Variants in SANBR observed in about 807,000 individuals in gnomAD.
SANBR encodes SANT and BTB domain regulator of class switch recombination.
In SANBR, 77 loss-of-function variants were observed where a neutral mutation model predicts 101.8. The ratio of observed to expected loss-of-function variants is 0.76; its 90% CI spans 0.63 to 0.91. The LOEUF is 0.91. SANBR is among the 40% of genes least tolerant of loss of function. The probability of loss-of-function intolerance (pLI) is 0.00; values close to 1 mark genes in which losing one functional copy is unlikely to be tolerated. For synonymous variants in SANBR, 279 were observed against 274.7 expected (o/e 1.02, Z -0.15); for missense variants, 875 against 853.0 (o/e 1.03, Z -0.32).
At chr2:61,077,535 T>TCAAG (rs1362915380) in intron 6 of SANBR, among the ~76,000 whole-genome samples, 3 of 149,496 alleles carry the variant, frequency 2.0e-5, no homozygotes, top group African/African-American at 7.4e-5. Flanking sequence ...TTAGACAAGA[T>TCAAG]CAAGGCAGGG....
Position 61,073,468 on chromosome 2 carries a change from T to C in SANBR, c.348T>C (p.Ser116=). Reference sequence around the variant, plus strand: ...GTTTCTGTATTTAAGGAAGACATAGTATAGCTTCCACAAGGAATTGTTCTT... The same window carrying C: ...GTTTCTGTATTTAAGGAAGACATAGCATAGCTTCCACAAGGAATTGTTCTT... ...HDAVSKTGRH[S]IASTRNCSSE... is the part of the protein sequence containing the mutation. Residue 116 remains serine (S), a synonymous_variant, in exon 5 of 22, where the codon AGT becomes AGC. Transcript: ENST00000402291. 1 of 1,547,204 alleles carries C rather than the reference T, an allele frequency of 6.5e-7. No individual in the cohort carries two copies. Among genetic ancestry groups the C allele is most frequent in the Non-Finnish European group, 8.9e-7 (1 of 1,128,584 alleles).
intron 10 of SANBR, chr2:61,090,690 ATTGTGTATGTGTGTGTGGGCACAGGGT>A (rs1195451154): frequency 1.3e-5 from 2 of 149,620 alleles, no homozygotes; most frequent in African/African-American, 5.0e-5. Flanking sequence ...CAACCTGGCA[ATTGTGTATGTGTGTGTGGGCACAGGGT>A]TTGTGTGTGT....
intron 17 of SANBR, 60 bp downstream of exon 17, chr2:61,116,130 C>A: frequency 1.4e-5 from 16 of 1,184,866 alleles, no homozygotes; most frequent in Middle Eastern, 2.0e-4. Context: ...TGAGTATAGC[C>A]AGAAAAAAAT....
chr2:61,088,833 A>T, intron 10 of SANBR: 1 of 972,498 alleles, frequency 1.0e-6, no homozygotes, highest in Non-Finnish European at 1.2e-6. Context: ...TTTTTTTTAA[A>T]TGTGAATTTC....
intron 8 of SANBR, among the ~76,000 whole-genome samples, chr2:61,086,059 A>C (rs981865362): frequency 1.2e-4 from 18 of 152,198 alleles, no homozygotes; most frequent in Non-Finnish European, 2.6e-4. Flanking sequence ...TGTGTCTTTC[A>C]ATCCATGAAT....
chr2:61,080,989 T>G (rs1205364525), intron 6 of SANBR, among the ~76,000 whole-genome samples: 2 of 152,178 alleles, frequency 1.3e-5, no homozygotes, highest in Admixed American at 6.5e-5. Context: ...GGAAGTAAGT[T>G]TAGGACTCTG....
intron 5 of SANBR, among the ~76,000 whole-genome samples, chr2:61,074,518 C>T (rs1210286469): frequency 6.6e-6 from 1 of 152,204 alleles, no homozygotes; most frequent in Non-Finnish European, 1.5e-5. Flanking sequence ...AGGCAATTCT[C>T]ATGCCTCAGC....
intron 10 of SANBR, chr2:61,089,088 T>C (rs1410492570): frequency 1.0e-6 from 1 of 981,734 alleles, no homozygotes; most frequent in Non-Finnish European, 1.2e-6. Context: ...ATTTTAGTTA[T>C]CTGTACAAAT....
chr2:61,096,520 C>T lies in SANBR; in HGVS notation c.1213-1180C>T, dbSNP rs145953076. Among the ~76,000 whole-genome samples, 139 of 152,298 alleles carry T rather than the reference C, an allele frequency of 9.1e-4. No homozygotes were observed. In the South Asian group the frequency reaches 9.7e-3, roughly 11 times the overall value. On this transcript the variant is annotated intron_variant, in intron 11 of 21. Transcript: ENST00000402291. ...TGCCTAGTCCAGTGGTCTTCCCCAT[C>T]GCAAGCAGCACCTGTGTCCACTGAA...
chr2:61,087,460 G>C (rs533040905), intron 8 of SANBR, among the ~76,000 whole-genome samples: 1 of 151,822 alleles, frequency 6.6e-6, no homozygotes, highest in Non-Finnish European at 1.5e-5. Flanking sequence ...TTGGGAGGCT[G>C]ATGTGGGAGA....
downstream of SANBR, among the ~76,000 whole-genome samples, chr2:61,127,186 G>A (rs1684538295): frequency 6.6e-6 from 1 of 152,160 alleles, no homozygotes; most frequent in Non-Finnish European, 1.5e-5. Flanking sequence ...CCAGTGCCTA[G>A]AACAGTGACT....
intron 11 of SANBR, among the ~76,000 whole-genome samples, chr2:61,097,175 A>G (rs1469983243): frequency 1.3e-5 from 2 of 152,184 alleles, no homozygotes; most frequent in Admixed American, 6.5e-5. Flanking sequence ...GCATCAAGGA[A>G]TAACCAAATG....
At chr2:61,092,616 T>A in intron 11 of SANBR, 29 bp downstream of exon 11, 2 of 1,527,240 alleles carry the variant, frequency 1.3e-6, no homozygotes, top group Non-Finnish European at 1.8e-6. Flanking sequence ...AATATCCTGC[T>A]CTGCAAATAT....
chr2:61,106,362 G>A (rs979455043), intron 13 of SANBR, among the ~76,000 whole-genome samples: 9 of 120,666 alleles, frequency 7.5e-5, no homozygotes, highest in African/African-American at 1.0e-4. Context: ...TTGCCCTCCA[G>A]CCTGGGTGAC....
At chr2:61,070,875 G>A (rs1349776225) in intron 3 of SANBR, among the ~76,000 whole-genome samples, 1 of 151,462 alleles carries the variant, frequency 6.6e-6, no homozygotes, top group East Asian at 1.9e-4. Flanking sequence ...TGAAGCTTAA[G>A]TGATCTTCCC....
At chr2:61,127,490 T>G (rs1323204178), downstream of SANBR, among the ~76,000 whole-genome samples, 1 of 152,226 alleles carries the variant, frequency 6.6e-6, no homozygotes, top group Non-Finnish European at 1.5e-5. Context: ...GCTGACCTGA[T>G]GGCCACCCTT....
rs1033408924 is a variant in SANBR at position 61,084,944 on chromosome 2, T to C, written c.890+1630T>C. Among the ~76,000 whole-genome samples the C allele has an allele frequency of 2.6e-5, 4 of 152,242 alleles. No individual in the cohort carries two copies. The South Asian group carries it at 8.3e-4, about 32-fold the overall frequency. On this transcript the variant is annotated intron_variant, in intron 8 of 21. Transcript: ENST00000402291. ...AGAGAGAGGATTCCAGGATAATTAT[T>C]AGGTTTTCAGTTTGAGTAACTAAGT...
chr2:61,134,180 A>G, exon 21 of SANBR: 1 of 1,613,286 alleles, frequency 6.2e-7, no homozygotes, highest in Non-Finnish European at 8.5e-7. Flanking sequence ...TCTAAGAGCA[A>G]CAGAAAAAGT....
chr2:61,130,308 T>G, intron 20 of SANBR, among the ~76,000 whole-genome samples: 1 of 152,126 alleles, frequency 6.6e-6, no homozygotes, highest in Non-Finnish European at 1.5e-5. Context: ...ATAACTTAGA[T>G]TAAATGAGCA....
Sources: allele counts gnomAD v4.1 joint callset (sites outside exome capture counted in the v4.1 genomes callset), GRCh38; gene constraint gnomAD v4.1.1; transcripts MANE v1.5; gene names NCBI Gene and HGNC (gene_info 2026-07-23, HGNC 2026-07-21).